NRIP3: variants seen among roughly 807,000 people sequenced by gnomAD.
The protein encoded by NRIP3 is nuclear receptor interacting protein 3, also known as nuclear receptor-interacting protein 3.
Under a neutral mutation model 29.0 loss-of-function variants are expected in NRIP3, and 31 were observed. The observed-to-expected ratio is 1.07, with a 90% confidence interval of 0.80 to 1.44. NRIP3 has a LOEUF of 1.44. NRIP3 is among the 40% of genes most tolerant of loss of function. The pLI is 0.00. For missense variants in NRIP3, 314 were observed against 297.9 expected (o/e 1.05, Z -0.40); for synonymous variants, 131 against 118.3 (o/e 1.11, Z -0.70).
chr11:8,984,902 A>C (rs1201895894), intron 4 of NRIP3, among the ~76,000 whole-genome samples: 1 of 150,860 alleles, frequency 6.6e-6, no homozygotes, highest in Non-Finnish European at 1.5e-5. Context: ...CCCAGGCTGG[A>C]GTGCAATGGC....
chr11:8,986,560 CCT>C (rs1225692024), intron 3 of NRIP3, among the ~76,000 whole-genome samples: 1 of 152,172 alleles, frequency 6.6e-6, no homozygotes, highest in African/African-American at 2.4e-5. Context: ...TCCTCTATTT[CCT>C]CTCTTTTGGT....
chr11:9,000,341 C>T (rs967734333), intron 1 of NRIP3, among the ~76,000 whole-genome samples: 14 of 152,278 alleles, frequency 9.2e-5, no homozygotes, highest in African/African-American at 3.4e-4. Flanking sequence ...TGAAATTCTC[C>T]AGCCCATGAT....
At chr11:8,989,895 G>T (rs180738484) in intron 1 of NRIP3, among the ~76,000 whole-genome samples, 1 of 152,358 alleles carries the variant, frequency 6.6e-6, no homozygotes. Context: ...TAGAAGTGAA[G>T]ATTGGAAGGA....
At chr11:8,989,720 T>C (rs1335050720) in intron 1 of NRIP3, among the ~76,000 whole-genome samples, 1 of 152,246 alleles carries the variant, frequency 6.6e-6, no homozygotes, top group Non-Finnish European at 1.5e-5. Context: ...GATTTTGTGA[T>C]GCAACACTGG....
chr11:8,987,733 A>G, intron 2 of NRIP3, 103 bp from the exon 3 acceptor site: 1 of 880,060 alleles, frequency 1.1e-6, no homozygotes, highest in Non-Finnish European at 1.9e-6. Context: ...AGGGTTGGAG[A>G]GCATCCTCCC....
At chr11:9,003,636 G>C in intron 1 of NRIP3, 126 bp downstream of exon 1, 1 of 949,424 alleles carries the variant, frequency 1.1e-6, no homozygotes, top group Non-Finnish European at 1.4e-6. Flanking sequence ...CCGCGACGCA[G>C]CGACCGCGAG....
chr11:9,004,169 C>A (rs914422392), upstream of NRIP3: 3 of 364,944 alleles, frequency 8.2e-6, no homozygotes, highest in Admixed American at 4.7e-5. Flanking sequence ...GCAAAGCCGG[C>A]GAGGAGGCGG....
Position 9,003,753 on chromosome 11 carries a change from G to A in NRIP3, c.174+9C>T, listed in dbSNP as rs1045899888. The A allele has an allele frequency of 5.0e-6, 7 of 1,402,684 alleles. No homozygotes were observed. In the East Asian group the frequency reaches 1.9e-4, roughly 37 times the overall value. 86.9% of individuals were successfully genotyped at this position (1,402,684 alleles called of 1,614,324 possible). ...CGGGGCCGGGGCGAGAACGGCGGCG[G>A]GGGCTCACCATGTCCTTGGACGAGC... is the stretch of plus-strand genomic sequence containing the variant. On this transcript the variant is annotated intron_variant, in intron 1 of 6. Coordinates refer to ENST00000309166, the MANE Select transcript of NRIP3 (RefSeq NM_020645.3).
intron 1 of NRIP3, among the ~76,000 whole-genome samples, chr11:9,002,416 G>A (rs1426840752): frequency 6.6e-6 from 1 of 151,448 alleles, no homozygotes; most frequent in Admixed American, 6.6e-5. Flanking sequence ...CTATCCTGTG[G>A]GTTGTGCAAA....
Position 8,997,413 on chromosome 11 carries a change from G to A in NRIP3, c.174+6349C>T, listed in dbSNP as rs190032371. 1.9e-3 allele frequency among the ~76,000 whole-genome samples: 285 copies of A among 150,406 alleles called. 1 individual carries two copies. Among genetic ancestry groups the A allele is most frequent in the African/African-American group, 6.1e-3 (249 of 40,824 alleles). ...AAGGATACACAGTACTAATTTGCTA[G>A]ATGGATGCTGCAGATACCCTGGTGG... On this transcript the variant is annotated intron_variant, in intron 1 of 6. Coordinates refer to ENST00000309166, the MANE Select transcript of NRIP3 (RefSeq NM_020645.3).
intron 1 of NRIP3, among the ~76,000 whole-genome samples, chr11:8,993,836 CTAGA>C (rs1321983870): frequency 1.4e-5 from 2 of 146,690 alleles, no homozygotes; most frequent in African/African-American, 5.0e-5. Context: ...AAAAGTAAGA[CTAGA>C]TAGATAGTGA....
chr11:8,987,569 A>G lies in NRIP3; in HGVS notation c.401T>C (p.Leu134Ser), dbSNP rs1341701630. Residue 134 changes from leucine (L) to serine (S), a missense_variant, in exon 3 of 7, where the codon TTG (leucine) becomes TCG (serine). By Grantham distance (145) the Leu-to-Ser change is moderately radical (BLOSUM62 -2). Transcript: ENST00000309166. ...TTACCCCAATCTGTCCACACAGGCC[A>G]AAGAGATGAGATTATATAGGCAGCC... ...DTGCLYNLISLACVDRLGLKE... is the reference protein window; with the variant it reads ...DTGCLYNLISSACVDRLGLKE... 6.2e-7 allele frequency: 1 copy of G among 1,613,952 alleles called. No homozygotes were observed. Among genetic ancestry groups the G allele is most frequent in the Non-Finnish European group, 8.5e-7 (1 of 1,179,816 alleles).
chr11:8,993,980 A>G (rs950736377), intron 1 of NRIP3, among the ~76,000 whole-genome samples: 40 of 152,278 alleles, frequency 2.6e-4, no homozygotes, highest in African/African-American at 9.6e-4. Context: ...TTAAATAAAA[A>G]TATACCCCAT....
At chr11:8,988,428 C>T (rs1854551480) in intron 1 of NRIP3, 146 bp from the exon 2 acceptor site, 2 of 672,242 alleles carry the variant, frequency 3.0e-6, no homozygotes, top group Non-Finnish European at 5.0e-6. Context: ...CAAGTGAGGA[C>T]TTCACTGGTA....
At chr11:8,998,138 C>T (rs1589964676) in intron 1 of NRIP3, among the ~76,000 whole-genome samples, 1 of 152,180 alleles carries the variant, frequency 6.6e-6, no homozygotes, top group Admixed American at 6.5e-5. Flanking sequence ...ATGTCTCTAT[C>T]TCTGACCTTG....
intron 6 of NRIP3, 41 bp from the exon 7 acceptor site, chr11:8,983,601 TC>T: frequency 6.2e-7 from 1 of 1,601,126 alleles, no homozygotes; most frequent in Non-Finnish European, 8.5e-7. Context: ...AATGCCAAAT[TC>T]AAAAAAAGTT....
Position 9,003,988 on chromosome 11 carries a change from C to T in NRIP3, c.-53G>A, listed in dbSNP as rs937135012. The T allele has an allele frequency of 7.1e-7, 1 of 1,416,198 alleles. No individual in the cohort carries two copies. Among genetic ancestry groups the T allele is most frequent in the Non-Finnish European group, 9.3e-7 (1 of 1,079,082 alleles). 87.7% of individuals were successfully genotyped at this position (1,416,198 alleles called of 1,614,324 possible). A position where few individuals can be genotyped will look rare whatever the true frequency, so the allele number is the denominator to read the frequency against. ...CACAGCCCCCCGGCAGCCTCAGCCT[C>T]GAGCTCCTCCAGCGCCGCAAGGGCC... On this transcript the variant is annotated 5_prime_UTR_variant, in exon 1 of 7. Coordinates refer to ENST00000309166, the MANE Select transcript of NRIP3 (RefSeq NM_020645.3).
intron 1 of NRIP3, among the ~76,000 whole-genome samples, chr11:8,998,513 G>T (rs1175087429): frequency 6.6e-6 from 1 of 152,166 alleles, no homozygotes; most frequent in Non-Finnish European, 1.5e-5. Context: ...ACACTCTAGA[G>T]GCAGCCTTCT....
At position 8,981,794 on chromosome 11, in the gene NRIP3, T is replaced by G. The variant is rs1303405687; in HGVS notation, c.*1751A>C. On this transcript the variant is annotated 3_prime_UTR_variant, in exon 7 of 7. Coordinates refer to ENST00000309166, the MANE Select transcript of NRIP3 (RefSeq NM_020645.3). ...AACCATGGCTGTGCTTAGCTTCCTA[T>G]CTAGCTTCTTTAGGTAGAGGCTGAT... The G allele has an allele frequency of 6.6e-6, 1 of 152,192 alleles. No individual in the cohort carries two copies. The highest frequency in any genetic ancestry group is 1.9e-4 in the East Asian group (1 of 5,198). 9.4% of individuals were successfully genotyped at this position (152,192 alleles called of 1,614,324 possible). A position where few individuals can be genotyped will look rare whatever the true frequency, so the allele number is the denominator to read the frequency against.
Sources: allele counts gnomAD v4.1 joint callset (sites outside exome capture counted in the v4.1 genomes callset), GRCh38; gene constraint gnomAD v4.1.1; transcripts MANE v1.5; gene names NCBI Gene and HGNC (gene_info 2026-07-23, HGNC 2026-07-21).